Variants in PAPPA observed in about 807,000 individuals in gnomAD.
PAPPA encodes pappalysin 1.
In PAPPA, 60 loss-of-function variants were observed where a neutral mutation model predicts 164.0. The observed-to-expected ratio is 0.37, with a 90% CI of 0.30 to 0.45. PAPPA has a LOEUF of 0.45. PAPPA is among the 20% of genes least tolerant of loss of function. The pLI is 1.00. For missense variants in PAPPA, 1,782 were observed against 2,087.3 expected (o/e 0.85, Z 2.85); for synonymous variants, 875 against 814.1 (o/e 1.07, Z -1.27).
Position 116,192,107 on chromosome 9 carries a change from G to T in PAPPA, c.1478+3891G>T, listed in dbSNP as rs371904873. ...TAAATTCCATGTTGTCATTCTCTCTGCCTGCCAGTCTCCTGCCAGTGCTTC... is the reference window on the plus strand; with the variant it reads ...TAAATTCCATGTTGTCATTCTCTCTTCCTGCCAGTCTCCTGCCAGTGCTTC... On this transcript the variant is annotated intron_variant, in intron 2 of 21. Transcript: ENST00000328252. Among the ~76,000 whole-genome samples, 40 of 152,280 alleles carry T rather than the reference G, an allele frequency of 2.6e-4. No individual in the cohort carries two copies. In the East Asian group the frequency reaches 5.2e-3, roughly 20 times the overall value.
chr9:116,248,676 C>A (rs1032605076), intron 7 of PAPPA, among the ~76,000 whole-genome samples: 8 of 152,150 alleles, frequency 5.3e-5, no homozygotes, highest in Non-Finnish European at 1.0e-4. Flanking sequence ...TAACTTGACA[C>A]TGAGATATTA....
intron 1 of PAPPA, among the ~76,000 whole-genome samples, chr9:116,159,264 A>G (rs1225189597): frequency 6.6e-6 from 1 of 152,220 alleles, no homozygotes; most frequent in Non-Finnish European, 1.5e-5. Context: ...AAACATGCAA[A>G]AAGTACCCAG....
intron 1 of PAPPA, among the ~76,000 whole-genome samples, chr9:116,181,208 G>T (rs1843900713): frequency 6.6e-6 from 1 of 152,192 alleles, no homozygotes. Flanking sequence ...TGCTAGGGCA[G>T]GCATAACAAA....
At chr9:116,313,637 G>A (rs1845750623) in intron 10 of PAPPA, among the ~76,000 whole-genome samples, 1 of 152,180 alleles carries the variant, frequency 6.6e-6, no homozygotes, top group African/African-American at 2.4e-5. Flanking sequence ...TCACAGGCCA[G>A]GCTCCAGACT....
At chr9:116,208,968 T>G (rs899732843) in intron 3 of PAPPA, among the ~76,000 whole-genome samples, 2 of 152,138 alleles carry the variant, frequency 1.3e-5, no homozygotes, top group Non-Finnish European at 2.9e-5. Flanking sequence ...TGTTTTTGCT[T>G]CTTACAAATG....
Position 116,401,201 on chromosome 9 carries a change from A to G in PAPPA, c.*4585A>G, listed in dbSNP as rs1272201066. On this transcript the variant is annotated 3_prime_UTR_variant, in exon 22 of 22. Transcript: ENST00000328252. The stretch of plus-strand genomic sequence containing the variant: ...GGCAAATTTGATCTTACCCTTTACC[A>G]GTTCTATAATTTGGTTAAAAGCTGA... 6.6e-6 allele frequency: 1 copy of G among 152,598 alleles called. No homozygotes were observed. Among genetic ancestry groups the G allele is most frequent in the African/African-American group, 2.4e-5 (1 of 41,452 alleles). The allele number at this position is 152,598 out of a possible 1,614,324, so 9.5% of individuals were successfully genotyped here.
chr9:116,358,654 C>A (rs1364392693), intron 17 of PAPPA, among the ~76,000 whole-genome samples: 1 of 152,192 alleles, frequency 6.6e-6, no homozygotes, highest in Non-Finnish European at 1.5e-5. Context: ...CACTACATTT[C>A]TTTCCGCTAT....
rs1232382704 is a variant in PAPPA at position 116,187,842 on chromosome 9, G to A, written c.1104G>A (p.Pro368=). The A allele has an allele frequency of 1.7e-5, 28 of 1,614,058 alleles. No individual in the cohort carries two copies. The highest frequency in any genetic ancestry group is 5.3e-5 in the African/African-American group (4 of 74,936). ...VNLYEDDHKN[P]TVTREQVDFQ... ...TCTATGAAGATGATCATAAGAACCC[G>A]ACGGTGACGCGCGAGCAGGTGGACT... The change falls in exon 2 of 22, where the codon CCG becomes CCA. Residue 368 remains proline (P), a synonymous_variant. Transcript: ENST00000328252. The surrounding 1 kb of genome is among the most constrained non-coding windows in gnomAD (Gnocchi z 4.2).
intron 1 of PAPPA, among the ~76,000 whole-genome samples, chr9:116,169,233 C>T (rs1843747424): frequency 6.6e-6 from 1 of 151,234 alleles, no homozygotes; most frequent in Non-Finnish European, 1.5e-5. Context: ...CTCTTTCTTT[C>T]CAGTGAACCA....
intron 20 of PAPPA, among the ~76,000 whole-genome samples, chr9:116,380,563 A>G (rs1846717630): frequency 6.6e-6 from 1 of 152,202 alleles, no homozygotes; most frequent in Non-Finnish European, 1.5e-5. Flanking sequence ...CCACAGGCAG[A>G]TCTCCTGAGG....
chr9:116,324,364 A>C (rs1270595732), intron 10 of PAPPA, among the ~76,000 whole-genome samples: 1 of 152,210 alleles, frequency 6.6e-6, no homozygotes, highest in Non-Finnish European at 1.5e-5. Context: ...GATTTAGTAC[A>C]TACAGAGTCC....
chr9:116,401,782 C>CA lies in PAPPA; in HGVS notation c.*5173dup, dbSNP rs1239183630. 2 of 146,840 alleles carry CA rather than the reference C, an allele frequency of 1.4e-5. No individual in the cohort carries two copies. Among genetic ancestry groups the CA allele is most frequent in the Admixed American group, 6.9e-5 (1 of 14,558 alleles). The allele number at this position is 146,840 out of a possible 1,614,324, so 9.1% of individuals were successfully genotyped here. A position where few individuals can be genotyped will look rare whatever the true frequency, so the allele number is the denominator to read the frequency against. ...CTGTTTGGCACCTTCTGGAAGCTAC[C>CA]AAAAAAATGACACTCCATTGAAGTG... On this transcript the variant is annotated 3_prime_UTR_variant, in exon 22 of 22. Coordinates refer to ENST00000328252, the MANE Select transcript of PAPPA (RefSeq NM_002581.5).
intron 7 of PAPPA, among the ~76,000 whole-genome samples, chr9:116,255,189 G>A (rs1844913786): frequency 6.6e-6 from 1 of 151,822 alleles, no homozygotes; most frequent in African/African-American, 2.4e-5. Context: ...TTACTATATG[G>A]CTCACTAGGG....
Position 116,400,051 on chromosome 9 carries a change from G to T in PAPPA, c.*3435G>T, listed in dbSNP as rs1847026925. The stretch of plus-strand genomic sequence containing the variant: ...AGAAAAAGAAAGAAAGAAAGAAAGA[G>T]AAAGGAAATTATAAGGTCAAGTTAA... On this transcript the variant is annotated 3_prime_UTR_variant, in exon 22 of 22. Transcript: ENST00000328252. 6.6e-6 allele frequency: 1 copy of T among 152,426 alleles called. No homozygotes were observed. Among genetic ancestry groups the T allele is most frequent in the Admixed American group, 6.6e-5 (1 of 15,250 alleles). 9.4% of individuals were successfully genotyped at this position (152,426 alleles called of 1,614,324 possible). A position where few individuals can be genotyped will look rare whatever the true frequency, so the allele number is the denominator to read the frequency against.
At position 116,353,605 on chromosome 9, in the gene PAPPA, T is replaced by C; in HGVS notation, c.4176-17T>C. On this transcript the variant is annotated splice_polypyrimidine_tract_variant and intron_variant, in intron 16 of 21. Transcript: ENST00000328252. ...TTTGGTCCTTGAGATGTCTCCTGTT[T>C]GATCCTTTCCTTGAAGACGGGCCTT... is the stretch of plus-strand genomic sequence containing the variant. The C allele has an allele frequency of 6.2e-7, 1 of 1,611,610 alleles. No homozygotes were observed. Among genetic ancestry groups the C allele is most frequent in the Non-Finnish European group, 8.5e-7 (1 of 1,178,686 alleles).
At chr9:116,292,057 C>T (rs1845442762) in intron 9 of PAPPA, among the ~76,000 whole-genome samples, 1 of 152,066 alleles carries the variant, frequency 6.6e-6, no homozygotes, top group Admixed American at 6.5e-5. Context: ...TGGATGCTTA[C>T]TTAAGGAATA....
chr9:116,266,759 GA>G (rs1255846617), intron 8 of PAPPA, among the ~76,000 whole-genome samples: 2 of 151,968 alleles, frequency 1.3e-5, no homozygotes, highest in South Asian at 2.1e-4. Context: ...TCCAGAATAA[GA>G]AAAAAAGTTT....
Position 116,398,647 on chromosome 9 carries a change from C to A in PAPPA, c.*2031C>A. ...AAGGTGCTTTTGGCACAGGTGCCCACAAATACGGATGCAGTGCTGAGATAG... is the reference window on the plus strand; with the variant it reads ...AAGGTGCTTTTGGCACAGGTGCCCAAAAATACGGATGCAGTGCTGAGATAG... On this transcript the variant is annotated 3_prime_UTR_variant, in exon 22 of 22. Coordinates refer to ENST00000328252, the MANE Select transcript of PAPPA (RefSeq NM_002581.5). 2 of 657,378 alleles carry A rather than the reference C, an allele frequency of 3.0e-6. No individual in the cohort carries two copies. The highest frequency in any genetic ancestry group is 1.5e-5 in the South Asian group (1 of 68,456). 40.7% of individuals were successfully genotyped at this position (657,378 alleles called of 1,614,324 possible).
intron 10 of PAPPA, among the ~76,000 whole-genome samples, chr9:116,307,905 T>C (rs1845667576): frequency 6.6e-6 from 1 of 152,020 alleles, no homozygotes; most frequent in Non-Finnish European, 1.5e-5. Context: ...AGATGAATGA[T>C]ATCTACCTGG....
Sources: gnomAD v4.1 joint callset for allele counts (sites outside exome capture counted in the v4.1 genomes callset) on GRCh38, gnomAD v4.1.1 for gene constraint, Gnocchi (gnomAD v3.1) non-coding constraint, MANE v1.5 for transcripts, NCBI Gene and HGNC (gene_info 2026-07-23, HGNC 2026-07-21) for gene names.